Variants in PRDM14 observed in about 807,000 individuals in gnomAD.
PRDM14 encodes the protein PR domain zinc finger protein 14.
A neutral mutation model predicts 48.0 loss-of-function variants in PRDM14; 16 were observed. The ratio of observed to expected loss-of-function variants is 0.33; its 90% CI spans 0.23 to 0.51. The LOEUF (loss-of-function observed/expected upper bound fraction) is 0.51. Ranked by LOEUF, PRDM14 falls within the 20% of genes least tolerant of loss-of-function variation. PRDM14 has a pLI of 0.97. For synonymous variants in PRDM14, 264 were observed against 276.6 expected (o/e 0.95, Z 0.45); for missense variants, 566 against 719.6 (o/e 0.79, Z 2.44).
intron 6 of PRDM14, among the ~76,000 whole-genome samples, chr8:70,056,271 T>C (rs1176868438): frequency 6.6e-6 from 1 of 152,178 alleles, no homozygotes; most frequent in Non-Finnish European, 1.5e-5. Context: ...CTACACCAGG[T>C]GAAGTAAACT....
intron 5 of PRDM14, 140 bp downstream of exon 5, chr8:70,066,095 C>T (rs1454640722): frequency 1.4e-5 from 13 of 915,126 alleles, no homozygotes; most frequent in Non-Finnish European, 2.1e-5. Flanking sequence ...TGGGTAATTC[C>T]CCCCTGGTTA....
intron 5 of PRDM14, 37 bp from the exon 6 acceptor site, chr8:70,058,879 C>G: frequency 6.7e-7 from 1 of 1,487,894 alleles, no homozygotes; most frequent in Non-Finnish European, 9.4e-7. Flanking sequence ...TCTTCAGTTA[C>G]TTCCCTCCCT....
intron 5 of PRDM14, among the ~76,000 whole-genome samples, chr8:70,060,454 G>T (rs1007707377): frequency 6.7e-6 from 1 of 149,992 alleles, no homozygotes; most frequent in South Asian, 2.1e-4. Context: ...ATACCTAAAC[G>T]ATTAACTCTT....
intron 5 of PRDM14, among the ~76,000 whole-genome samples, chr8:70,060,933 T>A (rs750521253): frequency 6.6e-6 from 1 of 152,228 alleles, no homozygotes; most frequent in African/African-American, 2.4e-5. Context: ...AGAGCTAGAA[T>A]CTTTATGTAT....
intron 5 of PRDM14, among the ~76,000 whole-genome samples, chr8:70,060,197 T>C (rs2093454532): frequency 6.6e-6 from 1 of 152,058 alleles, no homozygotes; most frequent in African/African-American, 2.4e-5. Flanking sequence ...GCCCAGGAGT[T>C]TGAGACCAGC....
chr8:70,068,201 AG>A, intron 4 of PRDM14, 28 bp downstream of exon 4: 5 of 1,612,940 alleles, frequency 3.1e-6, no homozygotes, highest in Non-Finnish European at 4.2e-6. Flanking sequence ...CCCCATTTTC[AG>A]CAGCAGACCC....
In PRDM14 at chr8:70,065,491, G is replaced by C. The variant is rs929669191; in HGVS notation, c.1183+744C>G. Among the ~76,000 whole-genome samples, 6 of 152,118 alleles carry C rather than the reference G, an allele frequency of 3.9e-5. No homozygotes were observed. In the East Asian group the frequency reaches 1.2e-3, roughly 29 times the overall value. On this transcript the variant is annotated intron_variant, in intron 5 of 7. Transcript: ENST00000276594. ...CTACTGGAATGTGGACCAGGGACCA[G>C]GACCAGCAGCACTCCCTGCAAGTTG...
intron 1 of PRDM14, 107 bp from the exon 2 acceptor site, chr8:70,069,991 G>T: frequency 1.5e-6 from 1 of 656,888 alleles, no homozygotes; most frequent in Non-Finnish European, 2.6e-6. Context: ...AGATCCAAGG[G>T]AACAGGATAA....
intron 5 of PRDM14, among the ~76,000 whole-genome samples, chr8:70,060,891 T>C (rs1245452813): frequency 2.0e-5 from 3 of 152,244 alleles, no homozygotes; most frequent in Non-Finnish European, 4.4e-5. Context: ...TCTTAGTTTA[T>C]ACTTCATTAC....
intron 7 of PRDM14, among the ~76,000 whole-genome samples, chr8:70,052,935 C>T (rs552435598): frequency 8.1e-6 from 1 of 123,900 alleles, no homozygotes; most frequent in Non-Finnish European, 1.7e-5. Flanking sequence ...CTCACCTCTA[C>T]AAAAAGTAAA....
rs533354004 is a variant in PRDM14, at chr8:70,069,646, C to T, written c.215G>A (p.Arg72Gln). The T allele has an allele frequency of 6.4e-7, 1 of 1,569,652 alleles. No individual in the cohort carries two copies. The highest frequency in any genetic ancestry group is 8.6e-7 in the Non-Finnish European group (1 of 1,157,558). ...AAPAMPPFPF[R>Q]MAPPLLSPGL... ...CGGGCTCAGCAAGGGAGGCGCCATC[C>T]GGAAGGGGAAGGGGGGCATGGCGGG... The change falls in exon 2 of 8, where the codon CGG becomes CAG. Residue 72 changes from arginine to glutamine, a missense_variant. Transcript: ENST00000276594.
chr8:70,058,501 A>ATCCTC (rs1238482023), intron 6 of PRDM14, 139 bp downstream of exon 6: 2 of 697,984 alleles, frequency 2.9e-6, no homozygotes, highest in Non-Finnish European at 5.0e-6. Context: ...CCGTAATACT[A>ATCCTC]TCCTCTCCTC....
At chr8:70,059,464 G>T (rs1805539528) in intron 5 of PRDM14, among the ~76,000 whole-genome samples, 1 of 151,648 alleles carries the variant, frequency 6.6e-6, no homozygotes, top group African/African-American at 2.4e-5. Context: ...TAGAGGTGGG[G>T]TTTCACCATC....
chr8:70,054,235 A>G (rs1192134778), intron 7 of PRDM14, among the ~76,000 whole-genome samples: 1 of 152,222 alleles, frequency 6.6e-6, no homozygotes. Flanking sequence ...CAATGCTCCT[A>G]TAGAAAATTA....
chr8:70,058,164 G>A (rs372249769), intron 6 of PRDM14, among the ~76,000 whole-genome samples: 1 of 152,078 alleles, frequency 6.6e-6, no homozygotes, highest in African/African-American at 2.4e-5. Context: ...TCCGCTCCTT[G>A]GAAGGACCGT....
chr8:70,056,400 A>G (rs1292976789), intron 6 of PRDM14, among the ~76,000 whole-genome samples: 1 of 152,202 alleles, frequency 6.6e-6, no homozygotes, highest in Non-Finnish European at 1.5e-5. Flanking sequence ...TCTCTGAGAA[A>G]GGTTTCTGTG....
rs144852164 is a variant in PRDM14, at chr8:70,068,470, C to G, written c.754+9G>C. On this transcript the variant is annotated intron_variant, in intron 3 of 7. Coordinates refer to ENST00000276594, the MANE Select transcript of PRDM14 (RefSeq NM_024504.4). ...AGGGAAAGAAATCCATGCAAGGAGT[C>G]CTGCCTACCTTCTGGAAGTTGAAGG... is the stretch of plus-strand genomic sequence containing the variant. 6.2e-7 allele frequency: 1 copy of G among 1,614,004 alleles called. No homozygotes were observed. Among genetic ancestry groups the G allele is most frequent in the East Asian group, 2.2e-5 (1 of 44,878 alleles).
At chr8:70,066,886 T>C (rs1482693831) in intron 4 of PRDM14, among the ~76,000 whole-genome samples, 3 of 152,084 alleles carry the variant, frequency 2.0e-5, no homozygotes, top group African/African-American at 7.2e-5. Context: ...CCATCACGCC[T>C]GGCAAATTTT....
chr8:70,054,737 T>C (rs1805444931), intron 7 of PRDM14, among the ~76,000 whole-genome samples: 1 of 151,824 alleles, frequency 6.6e-6, no homozygotes, highest in Non-Finnish European at 1.5e-5. Flanking sequence ...CAGGATGGTC[T>C]CGAACTCCCT....
Sources: gnomAD v4.1 joint callset for allele counts (sites outside exome capture counted in the v4.1 genomes callset) on GRCh38, gnomAD v4.1.1 for gene constraint, MANE v1.5 for transcripts, NCBI Gene and HGNC (gene_info 2026-07-23, HGNC 2026-07-21) for gene names.